The following IL1R2 variants were observed in gnomAD, a reference collection of about 807,000 sequenced individuals.
IL1R2 encodes interleukin-1 receptor type 2.
Under a neutral mutation model 39.5 loss-of-function variants are expected in IL1R2, and 46 were observed. That is an observed-to-expected ratio of 1.16 (90% CI 0.92 to 1.49). The LOEUF is 1.49. Among genes scored for constraint, IL1R2 ranks in the 40% most tolerant of loss-of-function variants. The probability of loss-of-function intolerance (pLI) is 0.00; values close to 1 mark genes in which losing one functional copy is unlikely to be tolerated. For missense variants in IL1R2, 537 were observed against 502.0 expected, an observed-to-expected ratio of 1.07 and a Z score of -0.67; for synonymous variants, 207 against 189.6, an observed-to-expected ratio of 1.09 and a Z score of -0.75.
chr2:102,019,734 T>C lies in IL1R2; in HGVS notation c.610T>C (p.Tyr204His). The change falls in exon 5 of 9, where the codon TAT becomes CAT. Residue 204 changes from tyrosine to histidine, a missense_variant. By Grantham distance (83) the Tyr-to-His change is moderately conservative. Transcript: ENST00000332549. ...VHDVALEDAG[Y>H]YRCVLTFAHE... ...CGATGTGGCCCTGGAAGATGCTGGC[T>C]ATTACCGCTGTGTCCTGACATTTGC... 2 of 1,614,164 alleles carry C rather than the reference T, an allele frequency of 1.2e-6. No homozygotes were observed. The highest frequency in any genetic ancestry group is 1.1e-5 in the South Asian group (1 of 91,074).
rs10198273 is a variant in IL1R2 at position 101,999,817 on chromosome 2, C to T, written c.-62+7806C>T. On this transcript the variant is annotated intron_variant, in intron 1 of 8. Transcript: ENST00000332549. ...TTCCTGGCAGCCTTGAAGATGTATA[C>T]GTGTGTATGCATCTGTATGTATTTA... Among the ~76,000 whole-genome samples the T allele has an allele frequency of 6.3e-3, 957 of 152,188 alleles. 10 individuals carry two copies. Among genetic ancestry groups the T allele is most frequent in the African/African-American group, 0.022 (902 of 41,512 alleles).
chr2:102,002,894 G>T (rs930652399), intron 1 of IL1R2, among the ~76,000 whole-genome samples: 2 of 150,662 alleles, frequency 1.3e-5, no homozygotes, highest in Admixed American at 1.3e-4. Flanking sequence ...GTCTCTGCCT[G>T]GGTCTATGTC....
In IL1R2 at chr2:102,016,005, G is replaced by A; in HGVS notation, c.467G>A (p.Ser156Asn). 6.2e-7 allele frequency: 1 copy of A among 1,613,976 alleles called. No individual in the cohort carries two copies. Residue 156 changes from serine (S) to asparagine (N), a missense_variant, in exon 4 of 9, where the codon AGT becomes AAT. Coordinates refer to ENST00000332549, the MANE Select transcript of IL1R2 (RefSeq NM_004633.4). Reference sequence around the variant, plus strand: ...GGGGTATTAGTATGCCCTGACCTGAGTGAATTCACCCGTGACAAAACTGAC... The same window carrying A: ...GGGGTATTAGTATGCCCTGACCTGAATGAATTCACCCGTGACAAAACTGAC... Reference protein sequence around the residue: ...TSGVLVCPDLSEFTRDKTDVK... With the variant: ...TSGVLVCPDLNEFTRDKTDVK...
At chr2:102,018,652 A>T (rs1677159849) in intron 4 of IL1R2, among the ~76,000 whole-genome samples, 1 of 152,194 alleles carries the variant, frequency 6.6e-6, no homozygotes, top group African/African-American at 2.4e-5. Flanking sequence ...AACCCGATGA[A>T]GTAGGAACTG....
intron 1 of IL1R2, among the ~76,000 whole-genome samples, chr2:102,003,254 C>A (rs930559229): frequency 2.7e-5 from 4 of 150,624 alleles, no homozygotes; most frequent in East Asian, 2.0e-4. Flanking sequence ...GTGTCTGTGT[C>A]GGTGTCTGTG....
chr2:102,009,122 T>C (rs2150434276), intron 2 of IL1R2, among the ~76,000 whole-genome samples: 1 of 152,070 alleles, frequency 6.6e-6, no homozygotes, highest in East Asian at 1.9e-4. Flanking sequence ...ACTGAAGAAG[T>C]GACGTGTTTG....
intron 1 of IL1R2, among the ~76,000 whole-genome samples, chr2:101,995,832 G>T (rs932312340): frequency 2.6e-5 from 4 of 152,208 alleles, no homozygotes; most frequent in Non-Finnish European, 5.9e-5. Context: ...ACCAGCAGTG[G>T]GACGCCCATT....
intron 1 of IL1R2, among the ~76,000 whole-genome samples, chr2:101,993,876 C>T (rs922752559): frequency 5.3e-5 from 8 of 152,144 alleles, no homozygotes; most frequent in African/African-American, 1.9e-4. Context: ...ATGTCCAGAC[C>T]TTCCTGGAAC....
intron 1 of IL1R2, among the ~76,000 whole-genome samples, chr2:101,992,251 GCAGAGGCAGAGAGACAGAGAGAGA>G (rs937243215): frequency 1.0e-4 from 15 of 145,652 alleles, no homozygotes; most frequent in Admixed American, 2.7e-4. Context: ...AGAGAGACAG[GCAGAGGCAGAGAGACAGAGAGAGA>G]CAGAGGCAGA....
At chr2:102,008,716 T>C in intron 2 of IL1R2, 74 bp downstream of exon 2, 1 of 1,336,802 alleles carries the variant, frequency 7.5e-7, no homozygotes, top group Non-Finnish European at 1.1e-6. Context: ...TCTAGAGAAG[T>C]TTCCTTGTCA....
chr2:101,994,700 G>A (rs1675508443), intron 1 of IL1R2, among the ~76,000 whole-genome samples: 1 of 152,236 alleles, frequency 6.6e-6, no homozygotes, highest in African/African-American at 2.4e-5. Context: ...TTTTGAGATG[G>A]TGCCTTCACA....
chr2:102,006,419 C>T (rs1676263704), intron 1 of IL1R2, among the ~76,000 whole-genome samples: 1 of 152,136 alleles, frequency 6.6e-6, no homozygotes, highest in Admixed American at 6.5e-5. Context: ...TATCTCAGGT[C>T]ACCAGAAGGG....
intron 1 of IL1R2, among the ~76,000 whole-genome samples, chr2:102,003,423 C>T (rs367919671): frequency 0.07 from 6,562 of 94,372 alleles, 177 homozygotes; most frequent in East Asian, 0.13. Flanking sequence ...CTGTCTGTGT[C>T]CCATGTCTGT....
At chr2:101,994,186 C>T (rs1675475985) in intron 1 of IL1R2, among the ~76,000 whole-genome samples, 1 of 152,170 alleles carries the variant, frequency 6.6e-6, no homozygotes, top group Non-Finnish European at 1.5e-5. Flanking sequence ...CTCCCGGGGT[C>T]TTCAGTTGGC....
At chr2:102,022,568 G>T (rs1677470849) in intron 6 of IL1R2, among the ~76,000 whole-genome samples, 1 of 152,196 alleles carries the variant, frequency 6.6e-6, no homozygotes, top group Non-Finnish European at 1.5e-5. Context: ...AAGATGAACA[G>T]CATGAACCCC....
intron 4 of IL1R2, among the ~76,000 whole-genome samples, chr2:102,017,878 G>C (rs1677108967): frequency 6.6e-6 from 1 of 152,194 alleles, no homozygotes; most frequent in African/African-American, 2.4e-5. Flanking sequence ...ACTCCTGATA[G>C]AGACCCTAGA....
chr2:101,996,333 C>A (rs1000692143), intron 1 of IL1R2, among the ~76,000 whole-genome samples: 1 of 152,082 alleles, frequency 6.6e-6, no homozygotes, highest in Non-Finnish European at 1.5e-5. Context: ...AGACCCAGGG[C>A]AAGCCAGAGG....
In IL1R2 at chr2:102,008,327, T is replaced by C. The variant is rs3218851; in HGVS notation, c.-61-188T>C. ...TCTAGGTGCTACAAGGATTCGACTT[T>C]AGATATGTTCAGTGAATATAGCTGC... is the stretch of plus-strand genomic sequence containing the variant. On this transcript the variant is annotated intron_variant, in intron 1 of 8. Transcript: ENST00000332549. 1.6e-3 allele frequency among the ~76,000 whole-genome samples: 238 copies of C among 152,372 alleles called. 4 individuals carry two copies. The highest frequency in any genetic ancestry group is 5.6e-3 in the African/African-American group (233 of 41,588).
intron 1 of IL1R2, among the ~76,000 whole-genome samples, chr2:101,997,075 C>G (rs1675626805): frequency 6.6e-6 from 1 of 152,098 alleles, no homozygotes; most frequent in South Asian, 2.1e-4. Flanking sequence ...CATTGTGTCC[C>G]CAGGGAGTGG....
Sources: allele counts gnomAD v4.1 joint callset (sites outside exome capture counted in the v4.1 genomes callset), GRCh38; gene constraint gnomAD v4.1.1; transcripts MANE v1.5; gene names NCBI Gene and HGNC (gene_info 2026-07-23, HGNC 2026-07-21).